SNTG2: variants seen among roughly 807,000 people sequenced by gnomAD.
SNTG2 encodes gamma-2-syntrophin.
SNTG2 carries 74 observed loss-of-function variants against 70.9 expected under a neutral mutation model. That is an observed-to-expected ratio of 1.04 (90% CI 0.86 to 1.27). The LOEUF (loss-of-function observed/expected upper bound fraction) is 1.27. Ranked by LOEUF, SNTG2 falls within the 50% of genes most tolerant of loss-of-function variation. SNTG2 has a pLI of 0.00. For missense variants in SNTG2, 717 were observed against 690.7 expected (o/e 1.04, Z -0.43); for synonymous variants, 278 against 273.8 (o/e 1.02, Z -0.15).
chr2:1,261,787 C>G (rs62108066), intron 13 of SNTG2, among the ~76,000 whole-genome samples: 13,681 of 152,166 alleles, frequency 0.09, 691 homozygotes, highest in South Asian at 0.15. Flanking sequence ...AGTTAATTCT[C>G]TCCCCACCTA....
intron 4 of SNTG2, among the ~76,000 whole-genome samples, chr2:1,105,447 G>T (rs1221798251): frequency 6.6e-6 from 1 of 152,152 alleles, no homozygotes; most frequent in Non-Finnish European, 1.5e-5. Flanking sequence ...CACCGCTTTA[G>T]TGAGGTGTGT....
chr2:1,262,142 A>T (rs1016304183), intron 13 of SNTG2, among the ~76,000 whole-genome samples: 1 of 152,198 alleles, frequency 6.6e-6, no homozygotes, highest in Non-Finnish European at 1.5e-5. Flanking sequence ...ATTCAAGTCT[A>T]TTATGATAGG....
At chr2:1,119,569 A>G (rs1005646039) in intron 4 of SNTG2, among the ~76,000 whole-genome samples, 2 of 130,314 alleles carry the variant, frequency 1.5e-5, no homozygotes, top group African/African-American at 5.7e-5. Context: ...TTTTTTTTGT[A>G]TAAAAAAATG....
At chr2:1,274,263 C>T (rs1029014899) in intron 14 of SNTG2, among the ~76,000 whole-genome samples, 5 of 152,230 alleles carry the variant, frequency 3.3e-5, no homozygotes, top group African/African-American at 7.2e-5. Flanking sequence ...GAAACTTTCT[C>T]GTTACCCTGG....
At chr2:1,241,678 T>A (rs1238827339) in intron 11 of SNTG2, among the ~76,000 whole-genome samples, 1 of 152,166 alleles carries the variant, frequency 6.6e-6, no homozygotes, top group Non-Finnish European at 1.5e-5. Context: ...GATGAAATAA[T>A]GGTTCAGAGA....
chr2:957,520 C>A (rs1381169087), intron 1 of SNTG2, among the ~76,000 whole-genome samples: 1 of 152,104 alleles, frequency 6.6e-6, no homozygotes, highest in Non-Finnish European at 1.5e-5. Flanking sequence ...TTGCCACACA[C>A]TGAGCTGGAA....
chr2:1,145,655 T>A (rs528602470), intron 6 of SNTG2, among the ~76,000 whole-genome samples: 65 of 152,298 alleles, frequency 4.3e-4, no homozygotes, highest in Non-Finnish European at 6.9e-4. Flanking sequence ...TTGTCTACAA[T>A]CACTTTCAGA....
chr2:1,165,475 G>T, intron 6 of SNTG2, 73 bp from the exon 7 acceptor site: 1 of 1,358,774 alleles, frequency 7.4e-7, no homozygotes, highest in Admixed American at 1.9e-5. Flanking sequence ...GAGAGGTAGA[G>T]AGATTTTATT....
chr2:1,235,902 T>C (rs1432794693), intron 9 of SNTG2, among the ~76,000 whole-genome samples: 2 of 152,212 alleles, frequency 1.3e-5, no homozygotes, highest in African/African-American at 4.8e-5. Context: ...GCCAAGAGTA[T>C]GGAATACATG....
At chr2:1,339,946 G>A (rs529889837) in intron 16 of SNTG2, among the ~76,000 whole-genome samples, 10 of 152,294 alleles carry the variant, frequency 6.6e-5, no homozygotes, top group South Asian at 6.2e-4. Context: ...GCCTCGCACC[G>A]TCCGCTCACT....
chr2:1,081,792 A>T (rs547334866), intron 1 of SNTG2, among the ~76,000 whole-genome samples: 48 of 152,366 alleles, frequency 3.2e-4, no homozygotes, highest in Non-Finnish European at 5.7e-4. Flanking sequence ...GTGGGAGCAC[A>T]CAGTGCCCAC....
chr2:1,068,719 C>T (rs1663320686), intron 1 of SNTG2, among the ~76,000 whole-genome samples: 1 of 152,152 alleles, frequency 6.6e-6, no homozygotes, highest in Non-Finnish European at 1.5e-5. Context: ...GCTGAAAGCA[C>T]TGAAGAAACA....
chr2:1,007,063 G>GTA (rs780307265), intron 1 of SNTG2, among the ~76,000 whole-genome samples: 53 of 140,454 alleles, frequency 3.8e-4, no homozygotes, highest in South Asian at 1.6e-3. Context: ...AAATAAATGT[G>GTA]TATATATATA....
intron 9 of SNTG2, among the ~76,000 whole-genome samples, chr2:1,218,923 G>A (rs143018888): frequency 2.0e-5 from 3 of 152,146 alleles, no homozygotes; most frequent in South Asian, 2.1e-4. Context: ...AAAACTGTAC[G>A]TTTAAAGGAG....
chr2:1,128,592 C>T lies in SNTG2; in HGVS notation c.326-9030C>T, dbSNP rs77075499. Among the ~76,000 whole-genome samples, 425 of 152,234 alleles carry T rather than the reference C, an allele frequency of 2.8e-3. 1 individual carries two copies. The highest frequency in any genetic ancestry group is 5.0e-3 in the Non-Finnish European group (339 of 68,006). On this transcript the variant is annotated intron_variant, in intron 4 of 16. Transcript: ENST00000308624. The stretch of plus-strand genomic sequence containing the variant: ...ATAGTAAGTGTTTGATAAATGAATA[C>T]AAGCTCTGGTCTCCCTGCTTCTCTC...
At chr2:1,277,521 A>G (rs1679317423) in intron 14 of SNTG2, among the ~76,000 whole-genome samples, 1 of 152,368 alleles carries the variant, frequency 6.6e-6, no homozygotes, top group East Asian at 1.9e-4. Flanking sequence ...CATAGATTAC[A>G]GTATAGTGTA....
intron 1 of SNTG2, among the ~76,000 whole-genome samples, chr2:971,626 G>C (rs927494636): frequency 2.1e-4 from 31 of 149,638 alleles, no homozygotes; most frequent in African/African-American, 7.6e-4. Context: ...CTAATCTTTT[G>C]TATGTTTTTT....
intron 16 of SNTG2, among the ~76,000 whole-genome samples, chr2:1,363,386 A>T (rs1166454124): frequency 6.6e-6 from 1 of 152,136 alleles, no homozygotes; most frequent in Non-Finnish European, 1.5e-5. Flanking sequence ...ATAATCTCTT[A>T]TAGCACATAT....
At chr2:1,074,219 G>C (rs34448205) in intron 1 of SNTG2, among the ~76,000 whole-genome samples, 1 of 152,108 alleles carries the variant, frequency 6.6e-6, no homozygotes, top group Non-Finnish European at 1.5e-5. Context: ...TCGTCTGCCC[G>C]GGGGAATGCT....
Sources: gnomAD v4.1 joint callset for allele counts (sites outside exome capture counted in the v4.1 genomes callset) on GRCh38, gnomAD v4.1.1 for gene constraint, MANE v1.5 for transcripts, NCBI Gene and HGNC (gene_info 2026-07-23, HGNC 2026-07-21) for gene names.